The following KDM4A variants were observed in gnomAD, a reference collection of about 807,000 sequenced individuals.
KDM4A encodes lysine demethylase 4A, also known as lysine-specific demethylase 4A.
KDM4A carries 23 observed loss-of-function variants against 127.1 expected under a neutral mutation model. The observed-to-expected ratio is 0.18, with a 90% CI of 0.13 to 0.26. The LOEUF (loss-of-function observed/expected upper bound fraction) is 0.26. Among genes scored for constraint, KDM4A ranks in the 10% least tolerant of loss-of-function variants. The probability of loss-of-function intolerance (pLI) is 1.00; values close to 1 mark genes in which losing one functional copy is unlikely to be tolerated. For synonymous variants in KDM4A, 443 were observed against 466.5 expected, an observed-to-expected ratio of 0.95 and a Z score of 0.65; for missense variants, 890 against 1,329.1, an observed-to-expected ratio of 0.67 and a Z score of 5.14.
At chr1:43,676,638 C>T (rs1211139077) in intron 11 of KDM4A, among the ~76,000 whole-genome samples, 4 of 152,026 alleles carry the variant, frequency 2.6e-5, no homozygotes, top group Non-Finnish European at 4.4e-5. Flanking sequence ...AATATTCTAA[C>T]AGGTGTCAGG....
intron 4 of KDM4A, among the ~76,000 whole-genome samples, chr1:43,660,712 A>G (rs772897692): frequency 1.3e-4 from 20 of 152,206 alleles, no homozygotes; most frequent in Non-Finnish European, 2.6e-4. Context: ...CTCTCAGATA[A>G]TGAAATGAGG....
chr1:43,670,095 C>T (rs1218995682), intron 10 of KDM4A, among the ~76,000 whole-genome samples: 2 of 152,180 alleles, frequency 1.3e-5, no homozygotes, highest in Non-Finnish European at 2.9e-5. Flanking sequence ...GGCTGTCTGC[C>T]ATTTTCATTT....
At position 43,681,124 on chromosome 1, in the gene KDM4A, G is replaced by A. The variant is rs1324056446; in HGVS notation, c.1735-2560G>A. 2.6e-5 allele frequency among the ~76,000 whole-genome samples: 4 copies of A among 151,788 alleles called. No homozygotes were observed. In the East Asian group the frequency reaches 7.7e-4, roughly 29 times the overall value. On this transcript the variant is annotated intron_variant, in intron 11 of 21. Coordinates refer to ENST00000372396, the MANE Select transcript of KDM4A (RefSeq NM_014663.3). Reference sequence around the variant, plus strand: ...TTCACTCCTTAGTTTCTTATTCTTTGTCCACCGGAACTTATCTCAAAAAAC... The same window carrying A: ...TTCACTCCTTAGTTTCTTATTCTTTATCCACCGGAACTTATCTCAAAAAAC...
rs759986137 is a variant in KDM4A at position 43,704,765 on chromosome 1, TTA to T, written c.*399_*400del. On this transcript the variant is annotated 3_prime_UTR_variant, in exon 22 of 22. Coordinates refer to ENST00000372396, the MANE Select transcript of KDM4A (RefSeq NM_014663.3). Reference sequence around the variant, plus strand: ...CTTGCCCCAACCCCTACTTTTGTATTTATATGTGTGTGTGTGTGTGCGTGCGT... The same window carrying T: ...CTTGCCCCAACCCCTACTTTTGTATTTATGTGTGTGTGTGTGTGCGTGCGT... The T allele has an allele frequency of 4.2e-6, 1 of 239,260 alleles. No homozygotes were observed. The allele number at this position is 239,260 out of a possible 1,614,324, so 14.8% of individuals were successfully genotyped here. A position where few individuals can be genotyped will look rare whatever the true frequency, so the allele number is the denominator to read the frequency against.
Position 43,688,827 on chromosome 1 carries a change from G to A in KDM4A, c.1856-87G>A, listed in dbSNP as rs1205347948. 17 of 1,215,058 alleles carry A rather than the reference G, an allele frequency of 1.4e-5. No individual in the cohort carries two copies. Among genetic ancestry groups the A allele is most frequent in the Non-Finnish European group, 1.9e-5 (16 of 854,980 alleles). The allele number at this position is 1,215,058 out of a possible 1,614,324, so 75.3% of individuals were successfully genotyped here. A position where few individuals can be genotyped will look rare whatever the true frequency, so the allele number is the denominator to read the frequency against. ...ACCCTTGGTCCAAACCTAGGATCAG[G>A]AGTCCTAGTGGAACTCATCTGTTCT... On this transcript the variant is annotated intron_variant, in intron 12 of 21. Coordinates refer to ENST00000372396, the MANE Select transcript of KDM4A (RefSeq NM_014663.3). The surrounding 1 kb of genome is among the most constrained non-coding windows in gnomAD (Gnocchi z 4.4).
At chr1:43,653,627 G>A (rs1237310792) in intron 2 of KDM4A, 2 of 196,710 alleles carry the variant, frequency 1.0e-5, no homozygotes, top group Non-Finnish European at 2.1e-5. Flanking sequence ...GCCAGTGAGT[G>A]CTTATGCCAT....
At chr1:43,687,554 G>GA (rs1661015861) in intron 12 of KDM4A, among the ~76,000 whole-genome samples, 1 of 152,252 alleles carries the variant, frequency 6.6e-6, no homozygotes, top group African/African-American at 2.4e-5. Flanking sequence ...ACTTGCCAAA[G>GA]AAAGGCATAG....
At chr1:43,654,916 A>G (rs529580850) in intron 2 of KDM4A, among the ~76,000 whole-genome samples, 3 of 151,960 alleles carry the variant, frequency 2.0e-5, no homozygotes, top group East Asian at 3.9e-4. Flanking sequence ...CAATGGCGCA[A>G]TCTTGGCTCA....
rs954255504 is a variant in KDM4A at position 43,704,807 on chromosome 1, A to ATGTT, written c.*440_*443dup. ...TGTGCGTGCGTGCGTGCGTGCGTGT[A>ATGTT]TGTTTGGTCTGGACCAGCTTCTGCC... On this transcript the variant is annotated 3_prime_UTR_variant, in exon 22 of 22. Transcript: ENST00000372396. 6.1e-6 allele frequency: 1 copy of ATGTT among 164,982 alleles called. No homozygotes were observed. The highest frequency in any genetic ancestry group is 1.3e-5 in the Non-Finnish European group (1 of 76,392). 10.2% of individuals were successfully genotyped at this position (164,982 alleles called of 1,614,324 possible).
chr1:43,656,700 G>C (rs1459528441), intron 3 of KDM4A, among the ~76,000 whole-genome samples: 1 of 150,988 alleles, frequency 6.6e-6, no homozygotes, highest in Non-Finnish European at 1.5e-5. Context: ...AATAAATTTT[G>C]TGTTTCCTTG....
At chr1:43,682,680 G>T (rs1660885085) in intron 11 of KDM4A, among the ~76,000 whole-genome samples, 1 of 152,200 alleles carries the variant, frequency 6.6e-6, no homozygotes, top group Admixed American at 6.5e-5. Flanking sequence ...GGAAGAGCAG[G>T]TTCTGTTTTT....
chr1:43,695,540 C>T (rs1032940338), intron 18 of KDM4A, among the ~76,000 whole-genome samples: 7 of 152,162 alleles, frequency 4.6e-5, no homozygotes, highest in Non-Finnish European at 8.8e-5. Context: ...GCTTGAGAGG[C>T]GGACAACGGC....
At chr1:43,692,137 C>T (rs1335468775) in intron 15 of KDM4A, 119 bp from the exon 16 acceptor site, 3 of 905,928 alleles carry the variant, frequency 3.3e-6, no homozygotes, top group Non-Finnish European at 5.5e-6. Context: ...TGAAGCCCCA[C>T]ATGCTATTAT....
chr1:43,671,965 C>T, intron 11 of KDM4A, 90 bp downstream of exon 11: 1 of 1,423,842 alleles, frequency 7.0e-7, no homozygotes, highest in Non-Finnish European at 9.3e-7. Context: ...GGAGGTGGAT[C>T]TGTGTGATGG....
chr1:43,671,942 CTG>C, intron 11 of KDM4A, 67 bp downstream of exon 11: 1 of 1,489,122 alleles, frequency 6.7e-7, no homozygotes, highest in Non-Finnish European at 8.9e-7. Flanking sequence ...GGGAGGGGAT[CTG>C]TGTGGGGGAG....
At chr1:43,698,673 C>T (rs1251537776) in intron 19 of KDM4A, among the ~76,000 whole-genome samples, 1 of 152,156 alleles carries the variant, frequency 6.6e-6, no homozygotes, top group Non-Finnish European at 1.5e-5. Context: ...CAGGTATTGT[C>T]CCATGTTTAT....
At chr1:43,672,491 G>GT (rs896678586) in intron 11 of KDM4A, among the ~76,000 whole-genome samples, 7 of 138,182 alleles carry the variant, frequency 5.1e-5, no homozygotes, top group African/African-American at 8.2e-5. Flanking sequence ...CTGGCCTTTT[G>GT]TTTTTTTTTC....
At chr1:43,659,000 G>A (rs929291516) in intron 3 of KDM4A, among the ~76,000 whole-genome samples, 4 of 151,724 alleles carry the variant, frequency 2.6e-5, no homozygotes, top group Non-Finnish European at 5.9e-5. Flanking sequence ...AAGCTAAAGA[G>A]TATAGATATT....
chr1:43,683,693 G>A lies in KDM4A; in HGVS notation c.1744G>A (p.Glu582Lys). Reference sequence around the variant, plus strand: ...CTTGTGGTTTGCCCAGGTTGCAGATGAATACATGTTTTCCCTAGAAGAGAA... The same window carrying A: ...CTTGTGGTTTGCCCAGGTTGCAGATAAATACATGTTTTCCCTAGAAGAGAA... ...SERELAEVAD[E>K]YMFSLEENKK... The change falls in exon 12 of 22, where the codon GAA (glutamate) becomes AAA (lysine). Residue 582 changes from glutamate to lysine, a missense_variant. Glu to Lys is a moderately conservative substitution (Grantham distance 56). Around this residue, in one of 7 missense-constraint regions of KDM4A, gnomAD observed 389 missense variants for 485.9 expected, o/e 0.80. Coordinates refer to ENST00000372396, the MANE Select transcript of KDM4A (RefSeq NM_014663.3). 6.2e-7 allele frequency: 1 copy of A among 1,613,448 alleles called. No homozygotes were observed. Among genetic ancestry groups the A allele is most frequent in the Non-Finnish European group, 8.5e-7 (1 of 1,179,780 alleles).
Sources: gnomAD v4.1 joint callset for allele counts (sites outside exome capture counted in the v4.1 genomes callset) on GRCh38, gnomAD v4.1.1 for gene constraint, gnomAD v4.1.1 regional missense constraint, Gnocchi (gnomAD v3.1) non-coding constraint, MANE v1.5 for transcripts, NCBI Gene and HGNC (gene_info 2026-07-23, HGNC 2026-07-21) for gene names.